The following TOP3A variants were observed in gnomAD, a reference collection of about 807,000 sequenced individuals.
TOP3A encodes DNA topoisomerase III alpha.
In TOP3A, 64 loss-of-function variants were observed where a neutral mutation model predicts 111.3. That is an observed-to-expected ratio of 0.57 (90% CI 0.47 to 0.71). The LOEUF (loss-of-function observed/expected upper bound fraction) is 0.71, where lower values mean the gene tolerates loss of function less well. Ranked by LOEUF, TOP3A falls within the 30% of genes least tolerant of loss-of-function variation. The probability of loss-of-function intolerance (pLI) is 0.00; values close to 1 mark genes in which losing one functional copy is unlikely to be tolerated. For synonymous variants in TOP3A, 484 were observed against 485.1 expected, an observed-to-expected ratio of 1.00 and a Z score of 0.03; for missense variants, 1,104 against 1,285.0, an observed-to-expected ratio of 0.86 and a Z score of 2.15.
chr17:18,302,521 T>C (rs1047700534), intron 6 of TOP3A, 59 bp downstream of exon 6: 2 of 1,597,850 alleles, frequency 1.3e-6, no homozygotes, highest in African/African-American at 2.7e-5. Flanking sequence ...CAGAGCCCAT[T>C]TTTGGTCCCA....
chr17:18,280,437 A>G, intron 17 of TOP3A, 99 bp downstream of exon 17: 3 of 1,411,150 alleles, frequency 2.1e-6, no homozygotes, highest in Non-Finnish European at 2.9e-6. Flanking sequence ...GCAGGGCCTG[A>G]GTGGAATCCC....
chr17:18,306,561 T>G, intron 4 of TOP3A: 2 of 190,472 alleles, frequency 1.1e-5, no homozygotes, highest in Admixed American at 5.6e-5. Flanking sequence ...AGAGATAGGG[T>G]CTCACTATGT....
intron 16 of TOP3A, among the ~76,000 whole-genome samples, chr17:18,282,374 G>A (rs912498393): frequency 2.3e-4 from 35 of 152,136 alleles, no homozygotes; most frequent in African/African-American, 8.2e-4. Context: ...CGGCATAAGT[G>A]GCATTTGAAC....
In TOP3A at chr17:18,291,020, T is replaced by A; in HGVS notation, c.1289A>T (p.Glu430Val). Residue 430 changes from glutamate (E) to valine (V), a missense_variant, in exon 12 of 19, where the codon GAA (glutamate) becomes GTA (valine). Physicochemically the swap from Glu to Val is moderately radical, Grantham distance 121. Transcript: ENST00000321105. Reference protein sequence around the residue: ...TKYTNNLQGDEQRLYEFIVRH... With the variant: ...TKYTNNLQGDVQRLYEFIVRH... The stretch of plus-strand genomic sequence containing the variant: ...AACAATAAACTCGTACAGTCGCTGT[T>A]CATCTCCCTAGGAAGAAAAGAGGAG... 6.2e-7 allele frequency: 1 copy of A among 1,614,022 alleles called. No homozygotes were observed. The highest frequency in any genetic ancestry group is 8.5e-7 in the Non-Finnish European group (1 of 1,179,980).
At chr17:18,305,356 G>C in intron 4 of TOP3A, 136 bp from the exon 5 acceptor site, 1 of 701,994 alleles carries the variant, frequency 1.4e-6, no homozygotes, top group South Asian at 1.7e-5. Context: ...AAAGAGAACA[G>C]AGAAAACTGC....
At chr17:18,310,826 C>G (rs1981865144) in intron 1 of TOP3A, among the ~76,000 whole-genome samples, 1 of 152,154 alleles carries the variant, frequency 6.6e-6, no homozygotes, top group Non-Finnish European at 1.5e-5. Context: ...ATGATCTGCA[C>G]TCAACTGCTG....
intron 13 of TOP3A, among the ~76,000 whole-genome samples, chr17:18,289,743 T>C (rs891382469): frequency 2.0e-5 from 3 of 152,218 alleles, no homozygotes; most frequent in African/African-American, 7.2e-5. Flanking sequence ...CTACTAATTT[T>C]ACCTAAACCT....
intron 13 of TOP3A, among the ~76,000 whole-genome samples, chr17:18,286,501 G>A (rs1218583629): frequency 1.3e-5 from 2 of 152,158 alleles, no homozygotes; most frequent in Non-Finnish European, 1.5e-5. Flanking sequence ...GGGCAACAGA[G>A]CGAGACTCCA....
At chr17:18,280,385 A>G (rs1979681404) in intron 17 of TOP3A, 151 bp downstream of exon 17, 5 of 825,240 alleles carry the variant, frequency 6.1e-6, no homozygotes, top group Non-Finnish European at 9.3e-6. Context: ...GAACTGGACC[A>G]GCCCTGCTGA....
chr17:18,282,579 T>C (rs1434949900), intron 16 of TOP3A, 119 bp downstream of exon 16: 1 of 1,418,790 alleles, frequency 7.0e-7, no homozygotes, highest in African/African-American at 1.4e-5. Flanking sequence ...GCCTGCAGGT[T>C]GGCAACAACA....
intron 11 of TOP3A, 31 bp from the exon 12 acceptor site, chr17:18,291,058 C>T (rs1444319084): frequency 6.2e-7 from 1 of 1,604,302 alleles, no homozygotes; most frequent in Admixed American, 1.7e-5. Flanking sequence ...CGAAACTCCC[C>T]CTAGAATATC....
intron 7 of TOP3A, 130 bp downstream of exon 7, chr17:18,302,134 A>T (rs951316068): frequency 7.2e-7 from 1 of 1,381,184 alleles, no homozygotes. Context: ...AGTGGATTGT[A>T]ATGGGCCAGG....
intron 15 of TOP3A, among the ~76,000 whole-genome samples, chr17:18,283,193 A>ATTTC (rs1979876753): frequency 6.6e-6 from 1 of 152,164 alleles, no homozygotes; most frequent in South Asian, 2.1e-4. Flanking sequence ...AACATGGTGA[A>ATTTC]ACCCCGTCTC....
At chr17:18,295,724 G>T (rs1409445093) in intron 9 of TOP3A, among the ~76,000 whole-genome samples, 3 of 151,890 alleles carry the variant, frequency 2.0e-5, no homozygotes, top group Non-Finnish European at 4.4e-5. Context: ...CTCCCAAAGT[G>T]CTGTGATTAC....
chr17:18,311,093 C>G (rs953358578), intron 1 of TOP3A, among the ~76,000 whole-genome samples: 1 of 151,730 alleles, frequency 6.6e-6, no homozygotes. Flanking sequence ...CTCCACCTCC[C>G]GGGTTCATGC....
intron 18 of TOP3A, among the ~76,000 whole-genome samples, chr17:18,276,921 C>T (rs1303194650): frequency 6.6e-6 from 1 of 152,136 alleles, no homozygotes; most frequent in Non-Finnish European, 1.5e-5. Flanking sequence ...CACGGTGGCT[C>T]ACGCCTGTAA....
intron 1 of TOP3A, among the ~76,000 whole-genome samples, chr17:18,311,146 G>A (rs949083582): frequency 8.7e-5 from 13 of 150,270 alleles, no homozygotes; most frequent in African/African-American, 3.0e-4. Context: ...GACTACAGGC[G>A]TCTGCCAGCA....
chr17:18,291,759 G>C (rs1374385790), intron 11 of TOP3A, among the ~76,000 whole-genome samples: 2 of 151,964 alleles, frequency 1.3e-5, no homozygotes, highest in African/African-American at 4.8e-5. Context: ...TCTGTCGCCA[G>C]GCTGGAGTGC....
chr17:18,303,544 C>A (rs747809363), intron 5 of TOP3A, among the ~76,000 whole-genome samples: 1 of 152,110 alleles, frequency 6.6e-6, no homozygotes, highest in Non-Finnish European at 1.5e-5. Context: ...TGGCTGGAGG[C>A]GAGACATCAC....
Sources: gnomAD v4.1 joint callset for allele counts (sites outside exome capture counted in the v4.1 genomes callset) on GRCh38, gnomAD v4.1.1 for gene constraint, MANE v1.5 for transcripts, NCBI Gene and HGNC (gene_info 2026-07-23, HGNC 2026-07-21) for gene names.